The following PRKAG2 variants were observed in gnomAD, a reference collection of about 807,000 sequenced individuals.
The protein encoded by PRKAG2 is protein kinase AMP-activated non-catalytic subunit gamma 2.
Under a neutral mutation model 69.6 loss-of-function variants are expected in PRKAG2, and 26 were observed. The observed-to-expected ratio is 0.37, with a 90% CI of 0.27 to 0.52. The LOEUF (loss-of-function observed/expected upper bound fraction) is 0.52, where lower values mean the gene tolerates loss of function less well. Among genes scored for constraint, PRKAG2 ranks in the 20% least tolerant of loss-of-function variants. The probability of loss-of-function intolerance (pLI) is 0.90; values close to 1 mark genes in which losing one functional copy is unlikely to be tolerated. For missense variants in PRKAG2, 557 were observed against 740.0 expected, an observed-to-expected ratio of 0.75 and a Z score of 2.87; for synonymous variants, 293 against 285.0, an observed-to-expected ratio of 1.03 and a Z score of -0.28.
At chr7:151,671,148 T>C (rs1255682352) in intron 4 of PRKAG2, among the ~76,000 whole-genome samples, 1 of 114,674 alleles carries the variant, frequency 8.7e-6, no homozygotes, top group Non-Finnish European at 1.6e-5. Flanking sequence ...CACTCCAGCC[T>C]GGGTGACAGA....
At chr7:151,558,241 G>C in intron 15 of PRKAG2, 3 of 985,450 alleles carry the variant, frequency 3.0e-6, no homozygotes, top group Non-Finnish European at 3.6e-6. Context: ...CTGGGGAACG[G>C]TGGCCATTGC....
At chr7:151,840,274 C>G (rs940504567) in intron 1 of PRKAG2, among the ~76,000 whole-genome samples, 1 of 152,154 alleles carries the variant, frequency 6.6e-6, no homozygotes, top group Non-Finnish European at 1.5e-5. Context: ...GCCCAGAATG[C>G]AACTGGCTGG....
chr7:151,773,030 A>AAG (rs2076118776), intron 3 of PRKAG2, among the ~76,000 whole-genome samples: 1 of 29,166 alleles, frequency 3.4e-5, no homozygotes, highest in African/African-American at 1.1e-4. Context: ...AGAAAGAGAG[A>AAG]GAGAGAGAGA....
intron 5 of PRKAG2, among the ~76,000 whole-genome samples, chr7:151,631,159 T>C (rs1352728507): frequency 1.3e-5 from 2 of 152,210 alleles, no homozygotes; most frequent in Non-Finnish European, 2.9e-5. Flanking sequence ...CTTTATTCTA[T>C]CAATACTCCT....
At chr7:151,790,106 G>C (rs1341804249) in intron 1 of PRKAG2, among the ~76,000 whole-genome samples, 1 of 151,978 alleles carries the variant, frequency 6.6e-6, no homozygotes, top group East Asian at 1.9e-4. Flanking sequence ...GCCACTCAGG[G>C]ACAGCTCCAG....
chr7:151,655,264 CTG>C (rs1164769178), intron 4 of PRKAG2, among the ~76,000 whole-genome samples: 1 of 152,182 alleles, frequency 6.6e-6, no homozygotes, highest in African/African-American at 2.4e-5. Context: ...CAAAAGTACT[CTG>C]TGCGGCATTG....
At chr7:151,760,849 T>C (rs917842361) in intron 3 of PRKAG2, among the ~76,000 whole-genome samples, 1 of 152,156 alleles carries the variant, frequency 6.6e-6, no homozygotes, top group African/African-American at 2.4e-5. Context: ...TGGCCATGAT[T>C]GCCTTCAGCC....
chr7:151,665,648 A>G (rs1179328968), intron 4 of PRKAG2, among the ~76,000 whole-genome samples: 1 of 152,080 alleles, frequency 6.6e-6, no homozygotes, highest in African/African-American at 2.4e-5. Context: ...CCAATGTGAA[A>G]TTTTTCCAAA....
intron 1 of PRKAG2, among the ~76,000 whole-genome samples, chr7:151,862,837 G>A (rs2079966991): frequency 6.6e-6 from 1 of 151,854 alleles, no homozygotes; most frequent in Non-Finnish European, 1.5e-5. Context: ...CCTGAGTGCA[G>A]GGAGCACTGG....
chr7:151,661,422 A>AC (rs1175030819), intron 4 of PRKAG2, among the ~76,000 whole-genome samples: 11 of 152,010 alleles, frequency 7.2e-5, no homozygotes, highest in Admixed American at 1.3e-4. Context: ...ATATGATCCA[A>AC]CCCCCCACCT....
At position 151,632,418 on chromosome 7, in the gene PRKAG2, G is replaced by T; in HGVS notation, c.685-280C>A. The stretch of plus-strand genomic sequence containing the variant: ...CCCCGCGCCTTGGTACGGCCCGCCC[G>T]GGAGGAAGCGTGGGAAGGGACCCGG... On this transcript the variant is annotated intron_variant, in intron 4 of 15. Transcript: ENST00000287878. The surrounding 1 kb of genome is among the most constrained non-coding windows in gnomAD (Gnocchi z 4.2). 1.9e-6 allele frequency: 1 copy of T among 526,110 alleles called. No individual in the cohort carries two copies. The highest frequency in any genetic ancestry group is 2.4e-6 in the Non-Finnish European group (1 of 411,520). The allele number at this position is 526,110 out of a possible 1,614,324, so 32.6% of individuals were successfully genotyped here.
intron 1 of PRKAG2, among the ~76,000 whole-genome samples, chr7:151,842,935 T>C (rs1000648952): frequency 6.6e-6 from 1 of 152,058 alleles, no homozygotes; most frequent in African/African-American, 2.4e-5. Flanking sequence ...CTTCAAGGTC[T>C]AGTTCTTCCC....
intron 1 of PRKAG2, among the ~76,000 whole-genome samples, chr7:151,845,610 G>A (rs2079411815): frequency 1.3e-5 from 2 of 152,158 alleles, no homozygotes; most frequent in African/African-American, 2.4e-5. Context: ...TGGGGGAGGC[G>A]CTGGGAAGGG....
In PRKAG2 at chr7:151,632,224, G is replaced by T; in HGVS notation, c.685-86C>A. 1 of 1,106,950 alleles carries T rather than the reference G, an allele frequency of 9.0e-7. No individual in the cohort carries two copies. The allele number at this position is 1,106,950 out of a possible 1,614,324, so 68.6% of individuals were successfully genotyped here. Reference sequence around the variant, plus strand: ...GGCTCGCGGCCGGCCGAGCGCTGGGGCCTGGCTCTGCCGCGCCGCCGGGAG... The same window carrying T: ...GGCTCGCGGCCGGCCGAGCGCTGGGTCCTGGCTCTGCCGCGCCGCCGGGAG... On this transcript the variant is annotated intron_variant, in intron 4 of 15. Coordinates refer to ENST00000287878, the MANE Select transcript of PRKAG2 (RefSeq NM_016203.4). The surrounding 1 kb of genome is among the most constrained non-coding windows in gnomAD (Gnocchi z 4.2).
chr7:151,847,991 A>G (rs1481641577), intron 1 of PRKAG2, among the ~76,000 whole-genome samples: 1 of 152,210 alleles, frequency 6.6e-6, no homozygotes, highest in Non-Finnish European at 1.5e-5. Flanking sequence ...CTGCTTTTCT[A>G]AAGAGTCAGT....
chr7:151,783,846 G>GGTT (rs956362022), intron 2 of PRKAG2, among the ~76,000 whole-genome samples: 7 of 149,212 alleles, frequency 4.7e-5, no homozygotes, highest in African/African-American at 1.7e-4. Flanking sequence ...TGGAGGTGGA[G>GGTT]GTTGCAGTGA....
rs1369661569 is a variant in PRKAG2, at chr7:151,719,136, A to G, written c.467-43499T>C. ...CCTGTTCCCCGAGCGTTGCTCCGGG[A>G]GACGAGATGTATCTTGCAACCAGCT... On this transcript the variant is annotated intron_variant, in intron 3 of 15. Coordinates refer to ENST00000287878, the MANE Select transcript of PRKAG2 (RefSeq NM_016203.4). This position sits in a 1 kb window ranked among gnomAD's most constrained non-coding sequence, Gnocchi z 5.2. 2.0e-5 allele frequency among the ~76,000 whole-genome samples: 3 copies of G among 152,166 alleles called. No individual in the cohort carries two copies. Among genetic ancestry groups the G allele is most frequent in the African/African-American group, 4.8e-5 (2 of 41,438 alleles).
intron 3 of PRKAG2, among the ~76,000 whole-genome samples, chr7:151,685,138 C>A (rs567733024): frequency 2.6e-5 from 4 of 152,180 alleles, no homozygotes; most frequent in African/African-American, 9.7e-5. Context: ...TCTTTCCCCC[C>A]AGCCCAGGGT....
At chr7:151,855,875 T>C (rs1172629942) in intron 1 of PRKAG2, among the ~76,000 whole-genome samples, 1 of 152,230 alleles carries the variant, frequency 6.6e-6, no homozygotes, top group Non-Finnish European at 1.5e-5. Context: ...CATGATGCTA[T>C]GTGCACCCTG....
Sources: gnomAD v4.1 joint callset for allele counts (sites outside exome capture counted in the v4.1 genomes callset) on GRCh38, gnomAD v4.1.1 for gene constraint, Gnocchi (gnomAD v3.1) non-coding constraint, MANE v1.5 for transcripts, NCBI Gene and HGNC (gene_info 2026-07-23, HGNC 2026-07-21) for gene names.